C12orf54: variants seen among roughly 807,000 people sequenced by gnomAD.
The protein encoded by C12orf54 is chromosome 12 open reading frame 54.
A neutral mutation model predicts 26.4 loss-of-function variants in C12orf54; 24 were observed. The ratio of observed to expected loss-of-function variants is 0.91; its 90% CI spans 0.66 to 1.28. C12orf54 has a LOEUF of 1.28. C12orf54 is among the 50% of genes most tolerant of loss of function. The probability of loss-of-function intolerance (pLI) is 0.00; values close to 1 mark genes in which losing one functional copy is unlikely to be tolerated. For missense variants in C12orf54, 154 were observed against 150.9 expected, an observed-to-expected ratio of 1.02 and a Z score of -0.11; for synonymous variants, 54 against 47.0, an observed-to-expected ratio of 1.15 and a Z score of -0.61.
At chr12:48,425,905 T>G in the C12orf54 span, among the ~76,000 whole-genome samples, 1 of 151,524 alleles carries the variant, frequency 6.6e-6, no homozygotes, top group East Asian at 1.9e-4. Flanking sequence ...TCATATCTTT[T>G]GCTCATTTTT....
At chr12:48,435,911 A>T in the C12orf54 span, among the ~76,000 whole-genome samples, 1 of 152,072 alleles carries the variant, frequency 6.6e-6, no homozygotes. Flanking sequence ...AATAATAATA[A>T]TAATGTTAAA....
the C12orf54 span, among the ~76,000 whole-genome samples, chr12:48,425,740 A>G: frequency 2.1e-4 from 32 of 152,016 alleles, no homozygotes; most frequent in East Asian, 4.6e-3. Flanking sequence ...GCCAGCATCT[A>G]TTATTTTTTT....
chr12:48,482,440 T>C (rs2731063), upstream of C12orf54: 40,867 of 152,090 alleles, frequency 0.27, 7,664 homozygotes, highest in African/African-American at 0.53. Context: ...GTCTATGAGG[T>C]CACAGCTGAA....
chr12:48,483,895 A>G (rs1954228162), intron 2 of C12orf54, among the ~76,000 whole-genome samples: 1 of 152,176 alleles, frequency 6.6e-6, no homozygotes, highest in Non-Finnish European at 1.5e-5. Flanking sequence ...TTGAGATAAG[A>G]GTTTGTAGAA....
chr12:48,471,899 T>C, the C12orf54 span, among the ~76,000 whole-genome samples: 3 of 152,208 alleles, frequency 2.0e-5, no homozygotes, highest in Non-Finnish European at 4.4e-5. Context: ...GGTAATTTGA[T>C]AGAAATAGTG....
the C12orf54 span, among the ~76,000 whole-genome samples, chr12:48,418,886 T>G: frequency 5.3e-5 from 8 of 151,338 alleles, no homozygotes; most frequent in East Asian, 1.5e-3. Context: ...ATAGCCTAGA[T>G]GTTTGGTTGT....
At chr12:48,429,077 C>G in the C12orf54 span, among the ~76,000 whole-genome samples, 1 of 152,170 alleles carries the variant, frequency 6.6e-6, no homozygotes, top group Non-Finnish European at 1.5e-5. Flanking sequence ...ACATGATCAT[C>G]TCAATAGATG....
upstream of C12orf54, among the ~76,000 whole-genome samples, chr12:48,477,763 A>C (rs958732095): frequency 6.6e-6 from 1 of 152,130 alleles, no homozygotes; most frequent in Non-Finnish European, 1.5e-5. Context: ...CAATAGCTTA[A>C]CAACCAAAAA....
At chr12:48,487,943 G>C (rs1937689876) in intron 4 of C12orf54, 1 of 677,302 alleles carries the variant, frequency 1.5e-6, no homozygotes, top group East Asian at 2.6e-5. Context: ...TATAGCCGCT[G>C]AGATGTTGAT....
chr12:48,481,843 C>T (rs1201749748), upstream of C12orf54, among the ~76,000 whole-genome samples: 1 of 152,156 alleles, frequency 6.6e-6, no homozygotes, highest in Non-Finnish European at 1.5e-5. Context: ...GCACAGTGCT[C>T]TCTCTGAGGC....
the C12orf54 span, chr12:48,472,524 T>C: frequency 2.2e-6 from 2 of 912,880 alleles, no homozygotes; most frequent in Middle Eastern, 3.0e-4. Context: ...AGATAATAGA[T>C]TTTGGGTGTG....
chr12:48,489,108 T>C, intron 5 of C12orf54, 152 bp downstream of exon 5: 1 of 832,098 alleles, frequency 1.2e-6, no homozygotes, highest in Non-Finnish European at 2.1e-6. Flanking sequence ...TACCACTGAC[T>C]TGTCAGTCCA....
the C12orf54 span, among the ~76,000 whole-genome samples, chr12:48,459,982 G>A: frequency 1.4e-5 from 2 of 145,570 alleles, no homozygotes; most frequent in South Asian, 4.6e-4. Context: ...TTAAAAAGAG[G>A]CATTCACCAT....
the C12orf54 span, among the ~76,000 whole-genome samples, chr12:48,456,418 T>C: frequency 6.6e-6 from 1 of 152,164 alleles, no homozygotes; most frequent in Non-Finnish European, 1.5e-5. Context: ...CTGCCTTATC[T>C]AGAGAAGCAA....
chr12:48,486,329 C>T, intron 3 of C12orf54, 121 bp downstream of exon 3: 1 of 1,021,472 alleles, frequency 9.8e-7, no homozygotes, highest in Non-Finnish European at 1.5e-6. Context: ...GGACAGGGTG[C>T]CCTTGACTGG....
At chr12:48,457,284 T>G in the C12orf54 span, among the ~76,000 whole-genome samples, 535 of 127,814 alleles carry the variant, frequency 4.2e-3, 3 homozygotes, top group East Asian at 8.5e-3. Context: ...GTTGTTGTTG[T>G]TGGTGGTGGT....
chr12:48,416,293 A>G, the C12orf54 span, among the ~76,000 whole-genome samples: 1 of 152,180 alleles, frequency 6.6e-6, no homozygotes, highest in Non-Finnish European at 1.5e-5. Context: ...AAAAGTTACT[A>G]TGGGATCTGA....
At chr12:48,432,114 A>G in the C12orf54 span, among the ~76,000 whole-genome samples, 11 of 152,242 alleles carry the variant, frequency 7.2e-5, no homozygotes, top group Non-Finnish European at 1.6e-4. Flanking sequence ...ACTCTACCTA[A>G]GTAGGCTGAT....
chr12:48,433,522 A>G, the C12orf54 span, among the ~76,000 whole-genome samples: 4 of 149,882 alleles, frequency 2.7e-5, no homozygotes, highest in Non-Finnish European at 4.4e-5. Context: ...ATCTCGGCTC[A>G]CTGCAAGCTC....
Sources: gnomAD v4.1 joint callset for allele counts (sites outside exome capture counted in the v4.1 genomes callset) on GRCh38, gnomAD v4.1.1 for gene constraint, MANE v1.5 for transcripts, NCBI Gene and HGNC (gene_info 2026-07-23, HGNC 2026-07-21) for gene names.